Variants in RIMBP2 observed in about 807,000 individuals in gnomAD.
RIMBP2 encodes the protein RIMS-binding protein 2.
A neutral mutation model predicts 118.6 loss-of-function variants in RIMBP2; 48 were observed. The observed-to-expected ratio is 0.40, with a 90% confidence interval of 0.32 to 0.51. The LOEUF is 0.51. RIMBP2 is among the 20% of genes least tolerant of loss of function. RIMBP2 has a pLI of 0.41. For missense variants in RIMBP2, 1,551 were observed against 1,768.3 expected, an observed-to-expected ratio of 0.88 and a Z score of 2.20; for synonymous variants, 762 against 742.9, an observed-to-expected ratio of 1.03 and a Z score of -0.42.
At position 130,691,092 on chromosome 12, in the gene RIMBP2, C is replaced by T. The variant is rs187473239; in HGVS notation, c.-352+25130G>A. On this transcript the variant is annotated intron_variant, in intron 1 of 22. Transcript: ENST00000690449. ...AGTTCCTCAAAGGAGCTGCCAGCCC[C>T]GACTCAACAGGGCGGGATGAGATGT... 9.9e-5 allele frequency among the ~76,000 whole-genome samples: 15 copies of T among 152,280 alleles called. No individual in the cohort carries two copies. The East Asian group carries it at 2.5e-3, about 25-fold the overall frequency.
intron 6 of RIMBP2, among the ~76,000 whole-genome samples, chr12:130,457,671 C>T (rs142262734): frequency 6.6e-6 from 1 of 152,258 alleles, no homozygotes; most frequent in Non-Finnish European, 1.5e-5. Flanking sequence ...AGCTCCTGGG[C>T]TATTCGTTTC....
At chr12:130,684,125 C>A (rs1269540971) in intron 1 of RIMBP2, among the ~76,000 whole-genome samples, 1 of 152,284 alleles carries the variant, frequency 6.6e-6, no homozygotes, top group Admixed American at 6.5e-5. Flanking sequence ...CTCCACAACC[C>A]CTTATCTGAA....
intron 2 of RIMBP2, among the ~76,000 whole-genome samples, chr12:130,527,280 G>A (rs1041918207): frequency 3.3e-5 from 5 of 152,148 alleles, no homozygotes; most frequent in Non-Finnish European, 5.9e-5. Flanking sequence ...GCTAATAAAG[G>A]GACTGGCACT....
intron 21 of RIMBP2, among the ~76,000 whole-genome samples, chr12:130,402,805 C>T (rs1200561334): frequency 6.6e-6 from 1 of 152,210 alleles, no homozygotes; most frequent in East Asian, 1.9e-4. Context: ...TGGATTATCT[C>T]CCGTACCTTA....
At chr12:130,522,228 G>T (rs2052209545) in intron 2 of RIMBP2, among the ~76,000 whole-genome samples, 1 of 152,218 alleles carries the variant, frequency 6.6e-6, no homozygotes, top group Non-Finnish European at 1.5e-5. Flanking sequence ...GCAAAATCAT[G>T]GGCAAAAAGT....
chr12:130,606,990 C>G (rs561336025), intron 2 of RIMBP2, among the ~76,000 whole-genome samples: 106 of 152,230 alleles, frequency 7.0e-4, no homozygotes, highest in African/African-American at 2.3e-3. Context: ...TGCCACCACA[C>G]CTGGCTAATT....
intron 2 of RIMBP2, among the ~76,000 whole-genome samples, chr12:130,610,653 C>T (rs970404745): frequency 1.0e-4 from 15 of 149,172 alleles, no homozygotes; most frequent in African/African-American, 2.7e-4. Context: ...CTCCGCCTCC[C>T]GGGTTCACGC....
At chr12:130,608,225 C>T (rs1043561898) in intron 2 of RIMBP2, among the ~76,000 whole-genome samples, 2 of 152,168 alleles carry the variant, frequency 1.3e-5, no homozygotes, top group East Asian at 1.9e-4. Flanking sequence ...TCCAAGCTTA[C>T]GGCTGAATAA....
At chr12:130,440,024 G>A (rs1055374205) in intron 11 of RIMBP2, among the ~76,000 whole-genome samples, 9 of 151,982 alleles carry the variant, frequency 5.9e-5, no homozygotes, top group African/African-American at 2.2e-4. Context: ...CCCACCAGCT[G>A]TGTTACTCTG....
At chr12:130,615,662 G>A (rs2060885724) in intron 2 of RIMBP2, among the ~76,000 whole-genome samples, 1 of 152,122 alleles carries the variant, frequency 6.6e-6, no homozygotes, top group Admixed American at 6.5e-5. Flanking sequence ...TAGCTGTGGG[G>A]ATACAGGTGT....
In RIMBP2 at chr12:130,482,918, A is replaced by C. The variant is rs113721064; in HGVS notation, c.-3-3902T>G. ...GCAGGGGAGGGGGCACACCTCATCC[A>C]AATACACCCATTGTGTGTGTACATG... On this transcript the variant is annotated intron_variant, in intron 4 of 22. Coordinates refer to ENST00000690449, the MANE Select transcript of RIMBP2 (RefSeq NM_001393629.1). Among the ~76,000 whole-genome samples the C allele has an allele frequency of 2.9e-3, 272 of 94,318 alleles. 3 individuals carry two copies. The highest frequency in any genetic ancestry group is 9.6e-3 in the African/African-American group (228 of 23,854). 61.9% of individuals were successfully genotyped at this position (94,318 alleles called of 152,430 possible). A position where few individuals can be genotyped will look rare whatever the true frequency, so the allele number is the denominator to read the frequency against.
intron 2 of RIMBP2, among the ~76,000 whole-genome samples, chr12:130,580,214 T>A (rs984682621): frequency 2.2e-4 from 32 of 144,572 alleles, no homozygotes; most frequent in African/African-American, 7.1e-4. Context: ...AAAAAAAAAG[T>A]AATATTGACC....
At chr12:130,514,946 CG>C (rs2051291469) in intron 3 of RIMBP2, among the ~76,000 whole-genome samples, 1 of 151,990 alleles carries the variant, frequency 6.6e-6, no homozygotes, top group African/African-American at 2.4e-5. Flanking sequence ...GCGTGATCTC[CG>C]CTCACTGCAA....
chr12:130,481,843 C>T (rs1289867017), intron 4 of RIMBP2, among the ~76,000 whole-genome samples: 1 of 152,178 alleles, frequency 6.6e-6, no homozygotes, highest in Non-Finnish European at 1.5e-5. Flanking sequence ...CACTGCTCCC[C>T]CCGCCCCGCT....
intron 2 of RIMBP2, among the ~76,000 whole-genome samples, chr12:130,595,335 G>C (rs139634682): frequency 1.3e-5 from 2 of 152,238 alleles, no homozygotes; most frequent in East Asian, 3.9e-4. Flanking sequence ...GAGATGGGCG[G>C]ACTATGAGGT....
intron 4 of RIMBP2, among the ~76,000 whole-genome samples, chr12:130,481,208 A>AGGTGGTGAGGGCGGGGG (rs1209030060): frequency 1.3e-5 from 2 of 151,762 alleles, no homozygotes; most frequent in Admixed American, 6.6e-5. Flanking sequence ...AGGAGGAGGC[A>AGGTGGTGAGGGCGGGGG]GACAGGCTGA....
intron 2 of RIMBP2, among the ~76,000 whole-genome samples, chr12:130,526,582 G>GT (rs2052811049): frequency 6.6e-6 from 1 of 152,104 alleles, no homozygotes; most frequent in African/African-American, 2.4e-5. Context: ...TCTTAAAGTT[G>GT]TTTCTCTTTG....
At chr12:130,672,960 A>T (rs1206236468) in intron 1 of RIMBP2, among the ~76,000 whole-genome samples, 19 of 152,296 alleles carry the variant, frequency 1.2e-4, no homozygotes. Flanking sequence ...TCAGGAAGCC[A>T]CCTCAAGTCG....
chr12:130,626,852 C>G (rs1182984727), intron 2 of RIMBP2, among the ~76,000 whole-genome samples: 1 of 151,486 alleles, frequency 6.6e-6, no homozygotes, highest in Non-Finnish European at 1.5e-5. Context: ...CCATGACTAT[C>G]AGTCATCACC....
Sources: allele counts gnomAD v4.1 joint callset (sites outside exome capture counted in the v4.1 genomes callset), GRCh38; gene constraint gnomAD v4.1.1; transcripts MANE v1.5; gene names NCBI Gene and HGNC (gene_info 2026-07-23, HGNC 2026-07-21).